SERAC1: variants seen among roughly 807,000 people sequenced by gnomAD.
The protein encoded by SERAC1 is protein SERAC1.
In SERAC1, 36 loss-of-function variants were observed where a neutral mutation model predicts 85.7. The ratio of observed to expected loss-of-function variants is 0.42; its 90% CI spans 0.32 to 0.55. The LOEUF is 0.55. Among genes scored for constraint, SERAC1 ranks in the 20% least tolerant of loss-of-function variants. The pLI is 0.11. For synonymous variants in SERAC1, 242 were observed against 265.3 expected (o/e 0.91, Z 0.85); for missense variants, 629 against 796.2 (o/e 0.79, Z 2.53).
In SERAC1 at chr6:158,146,635, C is replaced by T. The variant is rs115538671; in HGVS notation, c.487+147G>A. The T allele has an allele frequency of 3.0e-4, 279 of 915,954 alleles. 2 individuals carry two copies. The African/African-American group carries it at 4.4e-3, about 15-fold the overall frequency. The allele number at this position is 915,954 out of a possible 1,614,324, so 56.7% of individuals were successfully genotyped here. ...CATGTTAGCCAGGGTGGGTCTTGAACTCCTGACCTTGTGATCCAACCAGCG... is the reference window on the plus strand; with the variant it reads ...CATGTTAGCCAGGGTGGGTCTTGAATTCCTGACCTTGTGATCCAACCAGCG... On this transcript the variant is annotated intron_variant, in intron 6 of 16. Transcript: ENST00000647468.
At position 158,119,300 on chromosome 6, in the gene SERAC1, T is replaced by C. The variant is rs1180629489; in HGVS notation, c.1167-130A>G. ...GACATAAAACTGAATTAAAGCAAGC[T>C]CTATAAGCACAGGTTTGCTGGGAAA... On this transcript the variant is annotated intron_variant, in intron 11 of 16. Coordinates refer to ENST00000647468, the MANE Select transcript of SERAC1 (RefSeq NM_032861.4). The surrounding 1 kb of genome is among the most constrained non-coding windows in gnomAD (Gnocchi z 4.5). 1 of 1,115,350 alleles carries C rather than the reference T, an allele frequency of 9.0e-7. No homozygotes were observed. Among genetic ancestry groups the C allele is most frequent in the Non-Finnish European group, 1.2e-6 (1 of 812,300 alleles). 69.1% of individuals were successfully genotyped at this position (1,115,350 alleles called of 1,614,324 possible). A position where few individuals can be genotyped will look rare whatever the true frequency, so the allele number is the denominator to read the frequency against.
At chr6:158,161,466 T>C (rs1478363151) in intron 1 of SERAC1, 1 of 152,078 alleles carries the variant, frequency 6.6e-6, no homozygotes, top group African/African-American at 2.4e-5. Context: ...TTTGGTACAT[T>C]AATGGTATTT....
In SERAC1 at chr6:158,117,796, G is replaced by T. The variant is rs553879407; in HGVS notation, c.1334C>A (p.Ala445Asp). Residue 445 changes from alanine (A) to aspartate (D), a missense_variant, in exon 13 of 17, where the codon GCT becomes GAT. Ala to Asp is a moderately radical substitution (Grantham distance 126). Coordinates refer to ENST00000647468, the MANE Select transcript of SERAC1 (RefSeq NM_032861.4). The surrounding 1 kb of genome is among the most constrained non-coding windows in gnomAD (Gnocchi z 4.3). ...PKTWLAKDCP[A>D]LRIISVEYDT... is the part of the protein sequence containing the mutation. The stretch of plus-strand genomic sequence containing the variant: ...ATACTCCACAGATATAATTCGGAGA[G>T]CAGGACAGTCTTTTGCTAACCATGT... 2 of 1,614,040 alleles carry T rather than the reference G, an allele frequency of 1.2e-6. No individual in the cohort carries two copies. The highest frequency in any genetic ancestry group is 2.7e-5 in the African/African-American group (2 of 75,054).
chr6:158,112,496 C>T (rs1439627614), intron 16 of SERAC1: 1 of 152,078 alleles, frequency 6.6e-6, no homozygotes, highest in Admixed American at 6.5e-5. Flanking sequence ...TTCTTTGGAA[C>T]TCTTCAAGTT....
intron 4 of SERAC1, 89 bp from the exon 5 acceptor site, chr6:158,149,043 G>A (rs1300105440): frequency 1.1e-6 from 1 of 915,358 alleles, no homozygotes; most frequent in Non-Finnish European, 1.6e-6. Context: ...AGGTTGGAGT[G>A]CAGTGGCACA....
chr6:158,152,511 A>C (rs1003212761), intron 3 of SERAC1, among the ~76,000 whole-genome samples: 2 of 151,506 alleles, frequency 1.3e-5, no homozygotes, highest in African/African-American at 4.9e-5. Context: ...GCAAGACTCC[A>C]TCTCCGAAAA....
In SERAC1 at chr6:158,115,186, G is replaced by GTAA. The variant is rs200884183; in HGVS notation, c.1502-216_1502-215insTTA. ...CCTTATAGTGCAAGCCTACAAACAG[G>GTAA]GATTCTAGAAACTCATTTGTAGGGC... On this transcript the variant is annotated intron_variant, in intron 14 of 16. Coordinates refer to ENST00000647468, the MANE Select transcript of SERAC1 (RefSeq NM_032861.4). 6.8e-3 allele frequency among the ~76,000 whole-genome samples: 1,035 copies of GTAA among 152,302 alleles called. 15 individuals carry two copies. Among genetic ancestry groups the GTAA allele is most frequent in the African/African-American group, 0.024 (987 of 41,568 alleles).
chr6:158,109,751 A>G lies in SERAC1; in HGVS notation c.*1615T>C. 1 of 152,244 alleles carries G rather than the reference A, an allele frequency of 6.6e-6. No homozygotes were observed. 9.4% of individuals were successfully genotyped at this position (152,244 alleles called of 1,614,324 possible). On this transcript the variant is annotated 3_prime_UTR_variant, in exon 17 of 17. Transcript: ENST00000647468. ...ATAGACAAAAATGAACAGAACCTAG[A>G]TGTCCATCAGCTGATGAATGGATAA...
chr6:158,135,563 G>C lies in SERAC1; in HGVS notation c.739-5077C>G, dbSNP rs1434253738. ...AAAAGCTGTCATAAAAGAATTACCGGGAAAATTCAAATATGGAGTATTCAA... is the reference window on the plus strand; with the variant it reads ...AAAAGCTGTCATAAAAGAATTACCGCGAAAATTCAAATATGGAGTATTCAA... On this transcript the variant is annotated intron_variant, in intron 8 of 16. Transcript: ENST00000647468. 3.3e-5 allele frequency among the ~76,000 whole-genome samples: 5 copies of C among 151,962 alleles called. No individual in the cohort carries two copies. The Middle Eastern group carries it at 0.01, about 312-fold the overall frequency.
intron 6 of SERAC1, among the ~76,000 whole-genome samples, chr6:158,144,791 C>T (rs1283119756): frequency 1.3e-5 from 2 of 152,178 alleles, no homozygotes; most frequent in Admixed American, 1.3e-4. Flanking sequence ...GCCTACTGCT[C>T]CGTGGTGATG....
chr6:158,147,870 T>C (rs186920446), intron 5 of SERAC1, among the ~76,000 whole-genome samples: 1 of 151,708 alleles, frequency 6.6e-6, no homozygotes, highest in African/African-American at 2.4e-5. Context: ...TTCATCTATA[T>C]TCACATGTAA....
rs913062198 is a variant in SERAC1 at position 158,155,228 on chromosome 6, GACCTCATGCA to G, written c.128+77_128+86del. ...AATTCCAAAATCTATACCCTTTCAAGACCTCATGCAACCTGTCAATCACTGCCATTGAGAT... is the reference window on the plus strand; with the variant it reads ...AATTCCAAAATCTATACCCTTTCAAGACCTGTCAATCACTGCCATTGAGAT... On this transcript the variant is annotated intron_variant, in intron 3 of 16. Coordinates refer to ENST00000647468, the MANE Select transcript of SERAC1 (RefSeq NM_032861.4). 1.5e-5 allele frequency: 13 copies of G among 871,466 alleles called. No homozygotes were observed. In the African/African-American group the frequency reaches 2.2e-4, roughly 15 times the overall value. The allele number at this position is 871,466 out of a possible 1,614,324, so 54.0% of individuals were successfully genotyped here. A position where few individuals can be genotyped will look rare whatever the true frequency, so the allele number is the denominator to read the frequency against.
chr6:158,117,664 G>C lies in SERAC1; in HGVS notation c.1403+63C>G. 6.2e-7 allele frequency: 1 copy of C among 1,611,656 alleles called. No homozygotes were observed. The highest frequency in any genetic ancestry group is 8.5e-7 in the Non-Finnish European group (1 of 1,178,400). On this transcript the variant is annotated intron_variant, in intron 13 of 16. Transcript: ENST00000647468. The surrounding 1 kb of genome is among the most constrained non-coding windows in gnomAD (Gnocchi z 4.3). ...AAAATTAAAATCACTTCCCATCCAAGAGGACCTAAACTTGCGGCCTGAATT... is the reference window on the plus strand; with the variant it reads ...AAAATTAAAATCACTTCCCATCCAACAGGACCTAAACTTGCGGCCTGAATT...
intron 16 of SERAC1, chr6:158,112,549 C>G (rs1261649053): frequency 6.6e-6 from 1 of 151,654 alleles, no homozygotes; most frequent in African/African-American, 2.4e-5. Context: ...CAGCATATTA[C>G]TTTAAGGTAA....
In SERAC1 at chr6:158,111,445, G is replaced by A. The variant is rs1784142385; in HGVS notation, c.1886C>T (p.Pro629Leu). ...VDVNHLNICK[P>L]KKKDAFLYQR... ...GTACAAAAAAGCATCCTTTTTCTTT[G>A]GCTTACAAATGTTCAAATGGTTAAC... Residue 629 changes from proline (P) to leucine (L), a missense_variant, in exon 17 of 17, where the codon CCA becomes CTA. Physicochemically the swap from Pro to Leu is moderately conservative, Grantham distance 98. Coordinates refer to ENST00000647468, the MANE Select transcript of SERAC1 (RefSeq NM_032861.4). The A allele has an allele frequency of 6.2e-7, 1 of 1,610,968 alleles. No individual in the cohort carries two copies. The highest frequency in any genetic ancestry group is 1.1e-5 in the South Asian group (1 of 90,504).
At position 158,120,624 on chromosome 6, in the gene SERAC1, A is replaced by G. The variant is rs748256650; in HGVS notation, c.1016-49T>C. The G allele has an allele frequency of 1.9e-6, 3 of 1,585,678 alleles. No individual in the cohort carries two copies. The highest frequency in any genetic ancestry group is 1.1e-5 in the South Asian group (1 of 88,182). ...AAATACTGATGTGAATCCATCGCAGACCACAGAGAGAGTGAGGTTTCAAAC... is the reference window on the plus strand; with the variant it reads ...AAATACTGATGTGAATCCATCGCAGGCCACAGAGAGAGTGAGGTTTCAAAC... On this transcript the variant is annotated intron_variant, in intron 10 of 16. Transcript: ENST00000647468. The surrounding 1 kb of genome is among the most constrained non-coding windows in gnomAD (Gnocchi z 4.4).
chr6:158,146,840 A>G lies in SERAC1; in HGVS notation c.429T>C (p.Asp143=). 1.2e-6 allele frequency: 2 copies of G among 1,614,050 alleles called. No homozygotes were observed. The highest frequency in any genetic ancestry group is 1.7e-6 in the Non-Finnish European group (2 of 1,179,954). Residue 143 remains aspartate (D), a synonymous_variant, in exon 6 of 17, where the codon GAT becomes GAC. Coordinates refer to ENST00000647468, the MANE Select transcript of SERAC1 (RefSeq NM_032861.4). ...CAGCCTCGAGTCGCGTGGTTTTGTC[A>G]TCTGACTTGCTCTTCCGTAGGAGCA... is the stretch of plus-strand genomic sequence containing the variant. ...VWLLLRKSKS[D]DKTTRLEAVR... is the part of the protein sequence containing the mutation.
At chr6:158,114,395 C>A (rs1784224467) in intron 15 of SERAC1, 7 of 768,978 alleles carry the variant, frequency 9.1e-6, no homozygotes, top group Non-Finnish European at 1.1e-5. Flanking sequence ...AACTGCTTAT[C>A]AAACCAGAGT....
At chr6:158,156,908 A>ATATTTATATACATATTAATG (rs1562459918) in intron 2 of SERAC1, among the ~76,000 whole-genome samples, 1 of 70,430 alleles carries the variant, frequency 1.4e-5, no homozygotes, top group African/African-American at 4.4e-5. Flanking sequence ...AGATATTAAT[A>ATATTTATATACATATTAATG]TATTTATATA....
Sources: allele counts gnomAD v4.1 joint callset (sites outside exome capture counted in the v4.1 genomes callset), GRCh38; gene constraint gnomAD v4.1.1; non-coding constraint Gnocchi (gnomAD v3.1); transcripts MANE v1.5; gene names NCBI Gene and HGNC (gene_info 2026-07-23, HGNC 2026-07-21).